PPFIA2: variants seen among roughly 807,000 people sequenced by gnomAD.
PPFIA2 encodes liprin-alpha-2.
PPFIA2 carries 46 observed loss-of-function variants against 175.5 expected under a neutral mutation model. The observed-to-expected ratio is 0.26, with a 90% CI of 0.21 to 0.34. The LOEUF is 0.34. Ranked by LOEUF, PPFIA2 falls within the 10% of genes least tolerant of loss-of-function variation. PPFIA2 has a pLI of 1.00. For missense variants in PPFIA2, 1,179 were observed against 1,506.1 expected (o/e 0.78, Z 3.60); for synonymous variants, 568 against 511.4 (o/e 1.11, Z -1.49).
At chr12:81,333,994 G>A (rs1236651710) in intron 21 of PPFIA2, among the ~76,000 whole-genome samples, 1 of 152,154 alleles carries the variant, frequency 6.6e-6, no homozygotes, top group African/African-American at 2.4e-5. Flanking sequence ...CTTGTCCCCA[G>A]GGATGTCATG....
intron 10 of PPFIA2, 64 bp from the exon 11 acceptor site, chr12:81,374,832 C>A: frequency 6.8e-7 from 1 of 1,470,074 alleles, no homozygotes; most frequent in Non-Finnish European, 9.3e-7. Context: ...ACACCAGTCG[C>A]CAGGGGCTTT....
chr12:81,658,404 C>T (rs942565648), intron 4 of PPFIA2, among the ~76,000 whole-genome samples: 2 of 151,836 alleles, frequency 1.3e-5, no homozygotes, highest in Non-Finnish European at 2.9e-5. Context: ...GTACAACAGA[C>T]ATTACTAATA....
At chr12:81,579,383 TTTTG>T (rs1162292812) in intron 4 of PPFIA2, among the ~76,000 whole-genome samples, 1 of 151,804 alleles carries the variant, frequency 6.6e-6, no homozygotes, top group Non-Finnish European at 1.5e-5. Flanking sequence ...AATTTAAAGC[TTTTG>T]TTTCATTTTA....
At chr12:81,466,574 T>C (rs2055666299) in intron 4 of PPFIA2, among the ~76,000 whole-genome samples, 1 of 152,128 alleles carries the variant, frequency 6.6e-6, no homozygotes, top group African/African-American at 2.4e-5. Context: ...TGCTTTGCTT[T>C]GTGGACACCA....
Position 81,593,811 on chromosome 12 carries a change from C to T in PPFIA2, c.303+82980G>A, listed in dbSNP as rs549265772. Among the ~76,000 whole-genome samples the T allele has an allele frequency of 4.6e-4, 70 of 152,128 alleles. No homozygotes were observed. The South Asian group carries it at 6.9e-3, about 15-fold the overall frequency. ...TTTAGGAAAGAAAGTAGAGTGTGTC[C>T]CATATCAGGAAGGTCTTTTTTATGC... On this transcript the variant is annotated intron_variant, in intron 4 of 32. Transcript: ENST00000549396.
At chr12:81,722,124 T>G (rs909179450) in intron 3 of PPFIA2, among the ~76,000 whole-genome samples, 2 of 151,058 alleles carry the variant, frequency 1.3e-5, no homozygotes, top group East Asian at 3.9e-4. Flanking sequence ...TATTTTTTAT[T>G]GTACAACTTC....
chr12:81,703,728 C>T (rs1251668348), intron 3 of PPFIA2, among the ~76,000 whole-genome samples: 1 of 152,120 alleles, frequency 6.6e-6, no homozygotes, highest in Admixed American at 6.5e-5. Context: ...CCTCACCTCA[C>T]TCATGGCTCT....
At chr12:81,620,783 T>C (rs912181812) in intron 4 of PPFIA2, among the ~76,000 whole-genome samples, 1 of 152,174 alleles carries the variant, frequency 6.6e-6, no homozygotes, top group African/African-American at 2.4e-5. Context: ...GAAGTATGAA[T>C]CTGAAGTAAA....
At chr12:81,440,368 T>C (rs2049944775) in intron 6 of PPFIA2, among the ~76,000 whole-genome samples, 1 of 152,088 alleles carries the variant, frequency 6.6e-6, no homozygotes, top group Non-Finnish European at 1.5e-5. Flanking sequence ...AAGTATATTA[T>C]GAATTCATCT....
chr12:81,741,843 T>C (rs975915949), intron 3 of PPFIA2, among the ~76,000 whole-genome samples: 1 of 152,094 alleles, frequency 6.6e-6, no homozygotes, highest in African/African-American at 2.4e-5. Flanking sequence ...TGGTTATAAG[T>C]GCTTTGGAGG....
chr12:81,350,424 G>C (rs531590349), intron 17 of PPFIA2: 11 of 152,244 alleles, frequency 7.2e-5, no homozygotes, highest in African/African-American at 2.6e-4. Context: ...AAGAACTGAA[G>C]GACAGTACTA....
chr12:81,562,274 A>C (rs1327514744), intron 4 of PPFIA2, among the ~76,000 whole-genome samples: 1 of 152,202 alleles, frequency 6.6e-6, no homozygotes, highest in Non-Finnish European at 1.5e-5. Flanking sequence ...AGAAGAATAA[A>C]TTATGCTACT....
chr12:81,405,972 A>T (rs1352185195), intron 7 of PPFIA2, 69 bp from the exon 8 acceptor site: 3 of 854,202 alleles, frequency 3.5e-6, no homozygotes, highest in Non-Finnish European at 5.5e-6. Flanking sequence ...AAATGAATTT[A>T]CTTCAATGTG....
intron 17 of PPFIA2, among the ~76,000 whole-genome samples, chr12:81,351,908 T>TA (rs988752611): frequency 2.0e-4 from 31 of 151,282 alleles, no homozygotes; most frequent in Non-Finnish European, 2.7e-4. Context: ...CCTATTTAAA[T>TA]AAAAAAAAAT....
In PPFIA2 at chr12:81,662,754, G is replaced by A. The variant is rs183149321; in HGVS notation, c.303+14037C>T. 4.4e-3 allele frequency among the ~76,000 whole-genome samples: 676 copies of A among 152,166 alleles called. 8 individuals are homozygous for A. The highest frequency in any genetic ancestry group is 0.015 in the African/African-American group (634 of 41,492). The stretch of plus-strand genomic sequence containing the variant: ...CCTGGCAGAGACACAACAAAAAAAA[G>A]AGAATTTTCAACCAATATCCCTGAT... On this transcript the variant is annotated intron_variant, in intron 4 of 32. Transcript: ENST00000549396.
At chr12:81,349,065 C>G (rs2059570910) in intron 17 of PPFIA2, among the ~76,000 whole-genome samples, 1 of 152,114 alleles carries the variant, frequency 6.6e-6, no homozygotes, top group Non-Finnish European at 1.5e-5. Flanking sequence ...GGAAATACTT[C>G]TCTGGTGTAC....
chr12:81,719,411 A>T (rs749961691), intron 3 of PPFIA2, among the ~76,000 whole-genome samples: 3 of 151,562 alleles, frequency 2.0e-5, no homozygotes, highest in Non-Finnish European at 3.0e-5. Flanking sequence ...GCAAGTTCTG[A>T]TCTTAATTCT....
At chr12:81,489,978 T>C (rs1425841535) in intron 4 of PPFIA2, among the ~76,000 whole-genome samples, 1 of 151,928 alleles carries the variant, frequency 6.6e-6, no homozygotes, top group Non-Finnish European at 1.5e-5. Context: ...TTTCTATCTC[T>C]TTTTCTTATT....
chr12:81,393,375 C>A (rs2040506303), intron 8 of PPFIA2, among the ~76,000 whole-genome samples: 1 of 152,030 alleles, frequency 6.6e-6, no homozygotes, highest in Admixed American at 6.6e-5. Flanking sequence ...TGTTGTTCAT[C>A]TATAAAATAA....
Sources: allele counts gnomAD v4.1 joint callset (sites outside exome capture counted in the v4.1 genomes callset), GRCh38; gene constraint gnomAD v4.1.1; transcripts MANE v1.5; gene names NCBI Gene and HGNC (gene_info 2026-07-23, HGNC 2026-07-21).